Variants in GTPBP6 observed in about 807,000 individuals in gnomAD.
GTPBP6 encodes the protein GTP binding protein 6.
GTPBP6 carries 33 observed loss-of-function variants against 28.9 expected under a neutral mutation model. The ratio of observed to expected loss-of-function variants is 1.14; its 90% CI spans 0.87 to 1.53. The LOEUF is 1.53. Among genes scored for constraint, GTPBP6 ranks in the 40% most tolerant of loss-of-function variants. The pLI, the probability that GTPBP6 is intolerant of heterozygous loss-of-function variation, is 0.00. For synonymous variants in GTPBP6, 231 were observed against 192.7 expected, an observed-to-expected ratio of 1.20 and a Z score of -1.65; for missense variants, 507 against 408.3, an observed-to-expected ratio of 1.24 and a Z score of -2.08.
intron 6 of GTPBP6, chrX:311,911 G>C: frequency 1.7e-6 from 1 of 596,564 alleles, no homozygotes; most frequent in South Asian, 1.9e-5. Flanking sequence ...GAGGTCGTCT[G>C]TGTAGATTTG....
chrX:312,731 A>G, intron 6 of GTPBP6, 35 bp downstream of exon 6: 2 of 1,586,684 alleles, frequency 1.3e-6, no homozygotes, highest in Non-Finnish European at 1.7e-6. Flanking sequence ...TGACACGGAG[A>G]CCGCGGAAGG....
In GTPBP6 at chrX:311,531, G is replaced by A. The variant is rs11543174; in HGVS notation, c.1013C>T (p.Thr338Met). 3,858 of 1,612,084 alleles carry A rather than the reference G, an allele frequency of 2.4e-3. 24 individuals are homozygous for A. The highest frequency in any genetic ancestry group is 2.0e-3 in the Non-Finnish European group (2,313 of 1,179,298). ...CAGGACGGTCATGCGTGAGGGCAGC[G>A]TGCCCGCGTGGGCCGTGACGTCCAG... is the stretch of plus-strand genomic sequence containing the variant. Residue 338 changes from threonine (T) to methionine (M), a missense_variant, in exon 7 of 10, where the codon ACG becomes ATG. Coordinates refer to ENST00000326153, the Ensembl canonical transcript of GTPBP6.
chrX:316,935 C>T (rs1366246212), exon 2 of GTPBP6: 1 of 398,560 alleles, frequency 2.5e-6, no homozygotes, highest in East Asian at 3.6e-5. Context: ...TCAAAGTTCC[C>T]TTTGCCAAAG....
rs1412371524 is a variant in GTPBP6, at chrX:314,982, G to C, written c.597C>G (p.Asp199Glu). ...AGATGTGCAGGACGACCGTGAAGCG[G>C]TCAAACACCTCCACGCCCCAGGCGG... Residue 199 changes from aspartate (D) to glutamate (E), a missense_variant, in exon 4 of 10, where the codon GAC becomes GAG. Physicochemically the swap from Asp to Glu is conservative, Grantham distance 45. Transcript: ENST00000326153. 741 of 398,700 alleles carry C rather than the reference G, an allele frequency of 1.9e-3. 2 individuals are homozygous for C. Among genetic ancestry groups the C allele is most frequent in the African/African-American group, 0.013 (653 of 48,770 alleles). The allele number at this position is 398,700 out of a possible 1,614,324, so 24.7% of individuals were successfully genotyped here.
chrX:318,418 C>T, intron 1 of GTPBP6, 21 bp downstream of exon 1: 2 of 398,730 alleles, frequency 5.0e-6, no homozygotes, highest in South Asian at 1.3e-4. Context: ...GTTTCTCCCC[C>T]GAAAGCCCTG....
intron 2 of GTPBP6, among the ~76,000 whole-genome samples, chrX:316,181 CAGACACAT>C (rs1469554387): frequency 1.1e-5 from 1 of 91,618 alleles, no homozygotes; most frequent in Non-Finnish European, 2.3e-5. Context: ...GACACACACA[CAGACACAT>C]ACACAGAGAC....
chrX:309,041 G>A (rs1451197289), intron 7 of GTPBP6, among the ~76,000 whole-genome samples: 2 of 152,158 alleles, frequency 1.3e-5, no homozygotes, highest in Admixed American at 6.6e-5. Flanking sequence ...TTATTGTCGG[G>A]AGGAGTCGAA....
intron 6 of GTPBP6, chrX:311,854 GAGA>G (rs376572998): frequency 0.37 from 225,587 of 604,806 alleles, 45,378 homozygotes; most frequent in Admixed American, 0.54. Context: ...GGACACGGGG[GAGA>G]TGGTGGTGTG....
At chrX:311,201 G>A (rs145016213) in intron 7 of GTPBP6, among the ~76,000 whole-genome samples, 3,221 of 140,826 alleles carry the variant, frequency 0.023, 288 homozygotes, top group African/African-American at 0.085. Context: ...GGGTGTCTGA[G>A]GGCCCGGCCC....
At chrX:317,695 A>AACCCGACCCC (rs2070463580) in intron 1 of GTPBP6, among the ~76,000 whole-genome samples, 2 of 74,812 alleles carry the variant, frequency 2.7e-5, no homozygotes, top group Non-Finnish European at 5.0e-5. Flanking sequence ...CGGCCCACCC[A>AACCCGACCCC]ACCCCACCCC....
At chrX:308,834 A>G (rs968486563) in intron 7 of GTPBP6, among the ~76,000 whole-genome samples, 11 of 146,580 alleles carry the variant, frequency 7.5e-5, no homozygotes, top group Admixed American at 2.1e-4. Flanking sequence ...TCCCGGGTTC[A>G]GCCATTCTCC....
intron 2 of GTPBP6, among the ~76,000 whole-genome samples, chrX:315,530 G>A (rs1317102780): frequency 7.5e-6 from 1 of 132,774 alleles, no homozygotes; most frequent in South Asian, 2.4e-4. Context: ...ATCCCGGCAG[G>A]GACACAAACA....
chrX:315,553 GACACACACACACAC>G (rs1215331200), intron 2 of GTPBP6, among the ~76,000 whole-genome samples: 81 of 110,454 alleles, frequency 7.3e-4, no homozygotes, highest in African/African-American at 2.3e-3. Flanking sequence ...TACACACGCA[GACACACACACACAC>G]ACACACACAC....
rs772041217 is a variant in GTPBP6, at chrX:312,319, T to G, written c.916+447A>C. 1.0e-4 allele frequency: 48 copies of G among 463,960 alleles called. 3 individuals are homozygous for G. The highest frequency in any genetic ancestry group is 1.7e-4 in the Non-Finnish European group (40 of 233,464). The allele number at this position is 463,960 out of a possible 1,614,324, so 28.7% of individuals were successfully genotyped here. ...GGATTATGTAGACGGGGTGGTGGTA[T>G]AGATGGGGTAGTGGTGCTGGTGTAG... On this transcript the variant is annotated intron_variant, in intron 6 of 9. Coordinates refer to ENST00000326153, the Ensembl canonical transcript of GTPBP6.
chrX:306,806 C>T (rs925029403), intron 9 of GTPBP6, among the ~76,000 whole-genome samples: 2 of 150,516 alleles, frequency 1.3e-5, no homozygotes, highest in Non-Finnish European at 3.0e-5. Context: ...CATAATTAGG[C>T]ACCTGTTGTA....
At chrX:313,902 G>C (rs775459710) in intron 5 of GTPBP6, among the ~76,000 whole-genome samples, 1 of 145,470 alleles carries the variant, frequency 6.9e-6, no homozygotes, top group East Asian at 2.1e-4. Context: ...TACTGATTTA[G>C]GCAAAACCTC....
chrX:305,049 C>G, exon 10 of GTPBP6: 2 of 1,609,774 alleles, frequency 1.2e-6, no homozygotes, highest in Non-Finnish European at 8.5e-7. Context: ...ATGCCCCCAC[C>G]CCGCAGGCCT....
intron 5 of GTPBP6, among the ~76,000 whole-genome samples, chrX:313,426 C>G (rs1448171465): frequency 1.3e-5 from 2 of 152,080 alleles, no homozygotes; most frequent in Non-Finnish European, 2.9e-5. Flanking sequence ...ACGCCTGGAG[C>G]CCCCAGGAGC....
chrX:315,685 T>TACACACGCAGACACACACACACAC (rs1364461824), intron 2 of GTPBP6, among the ~76,000 whole-genome samples: 1 of 2,312 alleles, frequency 4.3e-4, no homozygotes, highest in East Asian at 0.013. Flanking sequence ...CACAAACACA[T>TACACACGCAGACACACACACACAC]ACACACACAC....
Sources: gnomAD v4.1 joint callset for allele counts (sites outside exome capture counted in the v4.1 genomes callset) on GRCh38, gnomAD v4.1.1 for gene constraint, MANE v1.5 for transcripts, NCBI Gene and HGNC (gene_info 2026-07-23, HGNC 2026-07-21) for gene names.